Variants in CPEB3 observed in about 807,000 individuals in gnomAD.
The protein encoded by CPEB3 is cytoplasmic polyadenylation element binding protein 3, also known as cytoplasmic polyadenylation element-binding protein 3.
A neutral mutation model predicts 67.2 loss-of-function variants in CPEB3; 20 were observed. That is an observed-to-expected ratio of 0.30 (90% CI 0.21 to 0.43). CPEB3 has a LOEUF of 0.43. Ranked by LOEUF, CPEB3 falls within the 20% of genes least tolerant of loss-of-function variation. The pLI, the probability that CPEB3 is intolerant of heterozygous loss-of-function variation, is 1.00. For missense variants in CPEB3, 746 were observed against 968.6 expected (o/e 0.77, Z 3.05); for synonymous variants, 376 against 393.1 (o/e 0.96, Z 0.51).
chr10:92,111,107 C>T lies in CPEB3; in HGVS notation c.1541G>A (p.Cys514Tyr). The T allele has an allele frequency of 6.2e-7, 1 of 1,614,020 alleles. No individual in the cohort carries two copies. The highest frequency in any genetic ancestry group is 8.5e-7 in the Non-Finnish European group (1 of 1,179,890). ...GTCCTTGATGGTGGGGCTTGACACA[C>T]ACAGGTAGAGTTTCCCATCTTCTTC... ...CLEEDGKLYL[C>Y]VSSPTIKDKP... Residue 514 changes from cysteine (C) to tyrosine (Y), a missense_variant, in exon 7 of 10, where the codon TGT (cysteine) becomes TAT (tyrosine). Physicochemically the swap from Cys to Tyr is radical, Grantham distance 194 (BLOSUM62 -2). Transcript: ENST00000265997.
intron 1 of CPEB3, among the ~76,000 whole-genome samples, chr10:92,285,327 G>C (rs1842478339): frequency 6.6e-6 from 1 of 152,128 alleles, no homozygotes; most frequent in African/African-American, 2.4e-5. Context: ...CTGGAGTGTA[G>C]CGGCACAATC....
At chr10:92,071,367 T>G (rs1457249945) in intron 9 of CPEB3, among the ~76,000 whole-genome samples, 1 of 152,122 alleles carries the variant, frequency 6.6e-6, no homozygotes, top group East Asian at 1.9e-4. Flanking sequence ...ATAAACAAAT[T>G]TTTCATATCT....
chr10:92,222,166 G>A (rs1292521592), intron 2 of CPEB3, among the ~76,000 whole-genome samples: 1 of 151,228 alleles, frequency 6.6e-6, no homozygotes, highest in Non-Finnish European at 1.5e-5. Context: ...AGCTTACCTA[G>A]AGATGGTAAA....
At chr10:92,279,912 G>A (rs897704543) in intron 1 of CPEB3, among the ~76,000 whole-genome samples, 1 of 152,086 alleles carries the variant, frequency 6.6e-6, no homozygotes, top group African/African-American at 2.4e-5. Context: ...TGGGGAGGTT[G>A]AGGCATGAAA....
rs149741798 is a variant in CPEB3, at chr10:92,116,631, T to G, written c.1454-5437A>C. Among the ~76,000 whole-genome samples, 29 of 152,236 alleles carry G rather than the reference T, an allele frequency of 1.9e-4. No individual in the cohort carries two copies. In the East Asian group the frequency reaches 5.0e-3, roughly 26 times the overall value. ...CCCTCGGACCCAGTAACAGATAATA[T>G]GATTATAAAACTCTTCCAGTTTCAG... On this transcript the variant is annotated intron_variant, in intron 6 of 9. Coordinates refer to ENST00000265997, the MANE Select transcript of CPEB3 (RefSeq NM_014912.5).
intron 1 of CPEB3, among the ~76,000 whole-genome samples, chr10:92,271,653 G>C (rs930875422): frequency 6.6e-6 from 1 of 152,154 alleles, no homozygotes; most frequent in Non-Finnish European, 1.5e-5. Context: ...ATATCAGAAG[G>C]AACATGGTGT....
chr10:92,262,910 C>G (rs1852870435), intron 1 of CPEB3, among the ~76,000 whole-genome samples: 1 of 151,870 alleles, frequency 6.6e-6, no homozygotes, highest in Non-Finnish European at 1.5e-5. Context: ...GTCTTGACTC[C>G]AAGGCTCAAG....
chr10:92,098,760 TTC>T (rs1408248173), intron 7 of CPEB3, among the ~76,000 whole-genome samples: 1 of 149,652 alleles, frequency 6.7e-6, no homozygotes, highest in African/African-American at 2.5e-5. Context: ...TTAACTATTT[TTC>T]TTTTTTTCTT....
chr10:92,069,864 A>G lies in CPEB3; in HGVS notation c.1869+11456T>C, dbSNP rs79871975. On this transcript the variant is annotated intron_variant, in intron 9 of 9. Transcript: ENST00000265997. The stretch of plus-strand genomic sequence containing the variant: ...TCCTTCTTATATGGAGACATTTTAG[A>G]TATGACAGATAATCTCAAATAATCA... Among the ~76,000 whole-genome samples, 123 of 152,362 alleles carry G rather than the reference A, an allele frequency of 8.1e-4. 3 individuals are homozygous for G. The East Asian group carries it at 0.022, about 27-fold the overall frequency.
At chr10:92,086,288 TACC>T (rs1323680003) in intron 8 of CPEB3, among the ~76,000 whole-genome samples, 1 of 152,224 alleles carries the variant, frequency 6.6e-6, no homozygotes, top group African/African-American at 2.4e-5. Flanking sequence ...TTTCTAGGTT[TACC>T]ACAATTGTCA....
At chr10:92,173,513 A>G (rs544716462) in intron 4 of CPEB3, among the ~76,000 whole-genome samples, 2 of 152,182 alleles carry the variant, frequency 1.3e-5, no homozygotes, top group Admixed American at 6.5e-5. Context: ...TAATAATAAT[A>G]GAGAAACTAT....
intron 6 of CPEB3, among the ~76,000 whole-genome samples, chr10:92,117,020 TA>T (rs1845062259): frequency 6.6e-6 from 1 of 152,156 alleles, no homozygotes; most frequent in Admixed American, 6.6e-5. Flanking sequence ...TTAATTAAAA[TA>T]TTTTTTTCTT....
chr10:92,277,815 CG>C (rs779247579), intron 1 of CPEB3, among the ~76,000 whole-genome samples: 3 of 151,692 alleles, frequency 2.0e-5, no homozygotes, highest in Non-Finnish European at 2.9e-5. Context: ...CGCTTGAACG[CG>C]GGAGGTGGAG....
chr10:92,283,147 G>T (rs567833679), intron 1 of CPEB3, among the ~76,000 whole-genome samples: 1 of 151,986 alleles, frequency 6.6e-6, no homozygotes, highest in Non-Finnish European at 1.5e-5. Context: ...AGCTACTCAG[G>T]AGGCTGAGGT....
At chr10:92,057,484 C>T (rs1172808060) in intron 9 of CPEB3, among the ~76,000 whole-genome samples, 2 of 152,234 alleles carry the variant, frequency 1.3e-5, no homozygotes, top group African/African-American at 2.4e-5. Flanking sequence ...ACATGATGCC[C>T]GGAGAGCACC....
chr10:92,084,590 T>C (rs1158920028), intron 8 of CPEB3, among the ~76,000 whole-genome samples: 1 of 152,116 alleles, frequency 6.6e-6, no homozygotes, highest in Non-Finnish European at 1.5e-5. Context: ...ATTTATTTAC[T>C]TATTTTTGAG....
intron 2 of CPEB3, chr10:92,216,678 C>T: frequency 6.2e-7 from 1 of 1,605,116 alleles, no homozygotes; most frequent in African/African-American, 1.3e-5. Context: ...GACCTGGGTG[C>T]AGCCACAGGC....
chr10:92,101,147 G>A (rs930826862), intron 7 of CPEB3, among the ~76,000 whole-genome samples: 3 of 152,132 alleles, frequency 2.0e-5, no homozygotes, highest in African/African-American at 4.8e-5. Flanking sequence ...CAAACCATTC[G>A]GTGTCAACAG....
chr10:92,106,451 TGTG>T (rs1844458821), intron 7 of CPEB3, among the ~76,000 whole-genome samples: 1 of 151,844 alleles, frequency 6.6e-6, no homozygotes, highest in African/African-American at 2.4e-5. Flanking sequence ...CGATACATGA[TGTG>T]GTGATCAGGG....
Sources: allele counts gnomAD v4.1 joint callset (sites outside exome capture counted in the v4.1 genomes callset), GRCh38; gene constraint gnomAD v4.1.1; transcripts MANE v1.5; gene names NCBI Gene and HGNC (gene_info 2026-07-23, HGNC 2026-07-21).